Variants in CLNK observed in about 807,000 individuals in gnomAD.
CLNK encodes the protein cytokine-dependent hematopoietic cell linker.
In CLNK, 74 loss-of-function variants were observed where a neutral mutation model predicts 68.6. That is an observed-to-expected ratio of 1.08 (90% CI 0.89 to 1.31). CLNK has a LOEUF of 1.31. CLNK is among the 50% of genes most tolerant of loss of function. CLNK has a pLI of 0.00. For missense variants in CLNK, 553 were observed against 515.3 expected, an observed-to-expected ratio of 1.07 and a Z score of -0.71; for synonymous variants, 198 against 172.2, an observed-to-expected ratio of 1.15 and a Z score of -1.17.
intron 2 of CLNK, among the ~76,000 whole-genome samples, chr4:10,624,939 C>T (rs1722609955): frequency 2.6e-5 from 4 of 152,102 alleles, no homozygotes; most frequent in South Asian, 4.1e-4. Context: ...AACGTTTTCT[C>T]GATTCTGTTT....
chr4:10,638,883 G>A (rs936257135), intron 2 of CLNK, among the ~76,000 whole-genome samples: 4 of 152,118 alleles, frequency 2.6e-5, no homozygotes, highest in African/African-American at 4.8e-5. Context: ...CCCTCTGAAC[G>A]TCTGTGCCCA....
At chr4:10,734,493 G>A in the CLNK span, among the ~76,000 whole-genome samples, 17 of 152,148 alleles carry the variant, frequency 1.1e-4, no homozygotes, top group African/African-American at 4.1e-4. Flanking sequence ...CGTGATTGAG[G>A]GAAGCATAAC....
At chr4:10,636,666 A>T (rs1723104536) in intron 2 of CLNK, among the ~76,000 whole-genome samples, 1 of 152,228 alleles carries the variant, frequency 6.6e-6, no homozygotes, top group African/African-American at 2.4e-5. Flanking sequence ...AGGCATGGAG[A>T]CAGCTCTCAT....
Position 10,578,764 on chromosome 4 carries a change from A to AT in CLNK, c.112+6162dup, listed in dbSNP as rs1228553854. ...TTTTTGTATTTTTAGTAAAGATGGG[A>AT]TTTTACCATGTTGGCCAGGCTGGTC... On this transcript the variant is annotated intron_variant, in intron 4 of 18. Coordinates refer to ENST00000226951, the MANE Select transcript of CLNK (RefSeq NM_052964.4). 3.3e-5 allele frequency among the ~76,000 whole-genome samples: 5 copies of AT among 151,326 alleles called. No individual in the cohort carries two copies. In the East Asian group the frequency reaches 7.8e-4, roughly 24 times the overall value.
chr4:10,647,312 G>T (rs994717155), intron 2 of CLNK, among the ~76,000 whole-genome samples: 1 of 152,128 alleles, frequency 6.6e-6, no homozygotes, highest in Non-Finnish European at 1.5e-5. Context: ...CTTGTTGGAG[G>T]TCCTTGGACA....
chr4:10,725,273 C>T, the CLNK span, among the ~76,000 whole-genome samples: 1 of 152,216 alleles, frequency 6.6e-6, no homozygotes, highest in Admixed American at 6.5e-5. Context: ...GGTCCCCTCT[C>T]CTCTGGCTTT....
At chr4:10,492,868 C>T (rs1716640680) in intron 18 of CLNK, among the ~76,000 whole-genome samples, 1 of 152,168 alleles carries the variant, frequency 6.6e-6, no homozygotes, top group Admixed American at 6.5e-5. Flanking sequence ...TCCTTCTCTC[C>T]CGCCTGAGCT....
chr4:10,587,929 G>A (rs11934521), intron 3 of CLNK, among the ~76,000 whole-genome samples: 26,948 of 152,120 alleles, frequency 0.18, 2,668 homozygotes, highest in African/African-American at 0.26. Context: ...TCAAGCTGCC[G>A]GAGGTTCTGC....
intron 7 of CLNK, among the ~76,000 whole-genome samples, chr4:10,561,003 C>T (rs971544849): frequency 2.0e-5 from 3 of 151,904 alleles, no homozygotes; most frequent in Non-Finnish European, 4.4e-5. Context: ...CTCAGGTGAT[C>T]CTCCCACCTC....
intron 3 of CLNK, among the ~76,000 whole-genome samples, chr4:10,597,334 G>C (rs926173260): frequency 6.6e-6 from 1 of 152,170 alleles, no homozygotes; most frequent in Non-Finnish European, 1.5e-5. Flanking sequence ...AGGTTTAGTC[G>C]GCTGGGCAGC....
intron 2 of CLNK, among the ~76,000 whole-genome samples, chr4:10,662,075 G>A (rs905861744): frequency 4.6e-5 from 7 of 152,154 alleles, no homozygotes; most frequent in Non-Finnish European, 8.8e-5. Context: ...TAGATAGTAT[G>A]AACTTGTGTT....
At chr4:10,592,279 A>G (rs575017107) in intron 3 of CLNK, among the ~76,000 whole-genome samples, 2 of 152,318 alleles carry the variant, frequency 1.3e-5, no homozygotes, top group South Asian at 2.1e-4. Context: ...TAAGCTATCA[A>G]TCAGTGCTCC....
intron 2 of CLNK, among the ~76,000 whole-genome samples, chr4:10,616,601 C>A (rs1488406654): frequency 6.6e-6 from 1 of 151,888 alleles, no homozygotes; most frequent in African/African-American, 2.4e-5. Flanking sequence ...CAGTTGCAAC[C>A]ATAGATTTGC....
chr4:10,575,003 C>A (rs1320474165), intron 4 of CLNK, among the ~76,000 whole-genome samples: 3 of 152,122 alleles, frequency 2.0e-5, no homozygotes, highest in African/African-American at 7.2e-5. Context: ...GTGAGTCTTG[C>A]CAAAACTCCT....
chr4:10,612,807 T>G lies in CLNK; in HGVS notation c.12-14758A>C, dbSNP rs16870597. On this transcript the variant is annotated intron_variant, in intron 2 of 18. Coordinates refer to ENST00000226951, the MANE Select transcript of CLNK (RefSeq NM_052964.4). ...GCCAGGGTTGGAGTCAATCATTATA[T>G]CTCATCTGTGTTCCCCAGGGACTGT... Among the ~76,000 whole-genome samples the G allele has an allele frequency of 4.7e-3, 712 of 152,334 alleles. 8 individuals are homozygous for G. The highest frequency in any genetic ancestry group is 0.016 in the African/African-American group (672 of 41,578).
At chr4:10,559,223 T>A (rs1719795677) in intron 7 of CLNK, among the ~76,000 whole-genome samples, 1 of 152,158 alleles carries the variant, frequency 6.6e-6, no homozygotes, top group Admixed American at 6.5e-5. Flanking sequence ...TTAGTATTAG[T>A]CTTTATTGGC....
intron 2 of CLNK, among the ~76,000 whole-genome samples, chr4:10,629,453 G>T (rs1722801607): frequency 6.6e-6 from 1 of 152,174 alleles, no homozygotes; most frequent in East Asian, 1.9e-4. Flanking sequence ...AGGCCATGGG[G>T]TGTTCACAGA....
chr4:10,513,433 A>G (rs749550274), intron 16 of CLNK, 31 bp downstream of exon 16: 12 of 1,599,170 alleles, frequency 7.5e-6, no homozygotes, highest in Non-Finnish European at 7.7e-6. Flanking sequence ...AAGTACATCT[A>G]GAAGGACTTG....
chr4:10,576,077 C>G (rs898343745), intron 4 of CLNK, among the ~76,000 whole-genome samples: 2 of 152,178 alleles, frequency 1.3e-5, no homozygotes, highest in Non-Finnish European at 2.9e-5. Context: ...AATGCACAAT[C>G]AATCAATAGT....
Sources: allele counts gnomAD v4.1 joint callset (sites outside exome capture counted in the v4.1 genomes callset), GRCh38; gene constraint gnomAD v4.1.1; transcripts MANE v1.5; gene names NCBI Gene and HGNC (gene_info 2026-07-23, HGNC 2026-07-21).